The following NRXN3 variants were observed in gnomAD, a reference collection of about 807,000 sequenced individuals.
The protein encoded by NRXN3 is neurexin III.
NRXN3 carries 32 observed loss-of-function variants against 137.6 expected under a neutral mutation model. The ratio of observed to expected loss-of-function variants is 0.23; its 90% CI spans 0.18 to 0.31. The LOEUF is 0.31. NRXN3 is among the 10% of genes least tolerant of loss of function. NRXN3 has a pLI of 1.00. For synonymous variants in NRXN3, 798 were observed against 784.5 expected, an observed-to-expected ratio of 1.02 and a Z score of -0.29; for missense variants, 1,574 against 2,062.5, an observed-to-expected ratio of 0.76 and a Z score of 4.59.
intron 15 of NRXN3, among the ~76,000 whole-genome samples, chr14:79,115,635 C>A (rs1199878926): frequency 6.6e-6 from 1 of 152,080 alleles, no homozygotes. Context: ...TCTTATTATT[C>A]CAAGTGAAAG....
intron 2 of NRXN3, among the ~76,000 whole-genome samples, chr14:78,274,476 T>G (rs1440535007): frequency 1.3e-5 from 2 of 152,110 alleles, no homozygotes; most frequent in East Asian, 1.9e-4. Flanking sequence ...TTAAATTATC[T>G]CCCACTGGGT....
At chr14:79,855,587 A>G (rs1410301367) in intron 20 of NRXN3, among the ~76,000 whole-genome samples, 1 of 152,132 alleles carries the variant, frequency 6.6e-6, no homozygotes, top group African/African-American at 2.4e-5. Context: ...AATACAAGCT[A>G]TTTGAATTAT....
Position 78,794,321 on chromosome 14 carries a change from G to T in NRXN3, c.2045-9299G>T, listed in dbSNP as rs149645759. On this transcript the variant is annotated intron_variant, in intron 8 of 20. Coordinates refer to ENST00000335750, the MANE Select transcript of NRXN3 (RefSeq NM_001330195.2). ...TGCTTGAACCTGGGAGACGAAGGTT[G>T]CAGTGAGCCAAGATTGCGCCACTGT... Among the ~76,000 whole-genome samples the T allele has an allele frequency of 2.6e-5, 4 of 152,336 alleles. No homozygotes were observed. In the South Asian group the frequency reaches 8.3e-4, roughly 32 times the overall value.
intron 15 of NRXN3, among the ~76,000 whole-genome samples, chr14:79,443,906 A>G (rs898889648): frequency 6.6e-6 from 1 of 152,194 alleles, no homozygotes; most frequent in African/African-American, 2.4e-5. Flanking sequence ...AAGGATTAAC[A>G]TATATGGCAG....
intron 15 of NRXN3, among the ~76,000 whole-genome samples, chr14:79,253,944 A>C (rs773466174): frequency 2.0e-5 from 3 of 152,244 alleles, no homozygotes; most frequent in Non-Finnish European, 4.4e-5. Context: ...AGTAGAATAC[A>C]TTTGTAAGTT....
intron 19 of NRXN3, among the ~76,000 whole-genome samples, chr14:79,719,468 A>G (rs1389211594): frequency 8.6e-5 from 13 of 151,700 alleles, no homozygotes; most frequent in Admixed American, 7.9e-4. Context: ...GCAATTATCT[A>G]TGAACCTGAT....
chr14:78,616,400 G>T (rs1164710442), intron 4 of NRXN3, among the ~76,000 whole-genome samples: 2 of 152,112 alleles, frequency 1.3e-5, no homozygotes, highest in African/African-American at 4.8e-5. Flanking sequence ...GCAGGTTTCC[G>T]TTTAAACCCT....
chr14:78,714,743 C>G lies in NRXN3; in HGVS notation c.1661-13C>G, dbSNP rs761705337. 1 of 1,607,650 alleles carries G rather than the reference C, an allele frequency of 6.2e-7. No individual in the cohort carries two copies. Among genetic ancestry groups the G allele is most frequent in the East Asian group, 2.2e-5 (1 of 44,700 alleles). ...ACTGGCAGACTCACCTGAGATCTGT[C>G]TTCCCACCCCAGGTACTATATCAGT... On this transcript the variant is annotated splice_polypyrimidine_tract_variant and intron_variant, in intron 7 of 20. Transcript: ENST00000335750.
At chr14:79,589,337 A>G (rs1191017721) in intron 16 of NRXN3, among the ~76,000 whole-genome samples, 4 of 151,590 alleles carry the variant, frequency 2.6e-5, no homozygotes, top group South Asian at 4.2e-4. Flanking sequence ...TTATTCATTT[A>G]CTCTATTTTT....
chr14:79,383,002 G>C (rs915123439), intron 15 of NRXN3, among the ~76,000 whole-genome samples: 1 of 145,950 alleles, frequency 6.9e-6, no homozygotes, highest in Non-Finnish European at 1.5e-5. Context: ...GGGTGGGTGG[G>C]TGAGGGTGGA....
chr14:79,620,537 A>T (rs1409643691), intron 16 of NRXN3, among the ~76,000 whole-genome samples: 1 of 152,144 alleles, frequency 6.6e-6, no homozygotes, highest in Non-Finnish European at 1.5e-5. Flanking sequence ...TAAAAAGATG[A>T]CGACATTTTA....
intron 1 of NRXN3, among the ~76,000 whole-genome samples, chr14:78,208,232 G>T (rs182447835): frequency 6.6e-6 from 1 of 152,276 alleles, no homozygotes. Context: ...CTTTGTTAGT[G>T]TGTGCCTTAT....
rs191264434 is a variant in NRXN3 at position 79,007,642 on chromosome 14, A to G, written c.3262+19501A>G. Reference sequence around the variant, plus strand: ...AACACGGTGAAACCCCGTCTCTACTAAAAAATAAAGAAAATTAGCCAGGTG... The same window carrying G: ...AACACGGTGAAACCCCGTCTCTACTGAAAAATAAAGAAAATTAGCCAGGTG... On this transcript the variant is annotated intron_variant, in intron 15 of 20. Coordinates refer to ENST00000335750, the MANE Select transcript of NRXN3 (RefSeq NM_001330195.2). Among the ~76,000 whole-genome samples the G allele has an allele frequency of 1.5e-4, 23 of 151,704 alleles. No homozygotes were observed. The East Asian group carries it at 4.1e-3, about 27-fold the overall frequency.
chr14:79,486,823 A>G (rs1028672552), intron 16 of NRXN3, among the ~76,000 whole-genome samples: 6 of 152,092 alleles, frequency 3.9e-5, no homozygotes, highest in East Asian at 1.9e-4. Flanking sequence ...GGGTGAATCA[A>G]TTTCCAATCG....
chr14:79,526,334 G>T (rs2097120144), intron 16 of NRXN3, among the ~76,000 whole-genome samples: 1 of 152,056 alleles, frequency 6.6e-6, no homozygotes, highest in Non-Finnish European at 1.5e-5. Context: ...AGTGTGAGCT[G>T]CCACCTGGCC....
chr14:79,077,004 G>A (rs78987069), intron 15 of NRXN3, among the ~76,000 whole-genome samples: 4,392 of 152,192 alleles, frequency 0.029, 208 homozygotes, highest in African/African-American at 0.1. Context: ...AGAGATTAAT[G>A]TTTGGTGTTA....
chr14:78,329,132 C>G (rs1472681707), intron 4 of NRXN3, among the ~76,000 whole-genome samples: 1 of 152,150 alleles, frequency 6.6e-6, no homozygotes, highest in East Asian at 1.9e-4. Flanking sequence ...AATGAGAGAG[C>G]TTCTGATTCA....
intron 8 of NRXN3, among the ~76,000 whole-genome samples, chr14:78,785,185 C>A (rs541371556): frequency 6.6e-6 from 1 of 152,160 alleles, no homozygotes; most frequent in East Asian, 1.9e-4. Context: ...GAGGATGGTA[C>A]AATAATGTGG....
At chr14:79,786,680 G>A (rs2099130370) in intron 19 of NRXN3, among the ~76,000 whole-genome samples, 1 of 152,174 alleles carries the variant, frequency 6.6e-6, no homozygotes, top group African/African-American at 2.4e-5. Context: ...TGTGTGCGTC[G>A]AAGGGAAGAA....
Sources: gnomAD v4.1 joint callset for allele counts (sites outside exome capture counted in the v4.1 genomes callset) on GRCh38, gnomAD v4.1.1 for gene constraint, MANE v1.5 for transcripts, NCBI Gene and HGNC (gene_info 2026-07-23, HGNC 2026-07-21) for gene names.